CNTN5: variants seen among roughly 807,000 people sequenced by gnomAD.
CNTN5 encodes contactin 5.
CNTN5 carries 77 observed loss-of-function variants against 129.1 expected under a neutral mutation model. The ratio of observed to expected loss-of-function variants is 0.60; its 90% CI spans 0.50 to 0.72. CNTN5 has a LOEUF of 0.72. CNTN5 is among the 30% of genes least tolerant of loss of function. The probability of loss-of-function intolerance (pLI) is 0.00; values close to 1 mark genes in which losing one functional copy is unlikely to be tolerated. For synonymous variants in CNTN5, 509 were observed against 465.6 expected (o/e 1.09, Z -1.20); for missense variants, 1,478 against 1,328.8 (o/e 1.11, Z -1.75).
intron 2 of CNTN5, among the ~76,000 whole-genome samples, chr11:99,380,520 A>G (rs942887634): frequency 6.6e-6 from 1 of 152,200 alleles, no homozygotes; most frequent in African/African-American, 2.4e-5. Flanking sequence ...CTGTAATCCC[A>G]GCACTTCGGG....
intron 1 of CNTN5, among the ~76,000 whole-genome samples, chr11:99,188,854 T>C (rs545417106): frequency 6.6e-6 from 1 of 151,788 alleles, no homozygotes; most frequent in South Asian, 2.1e-4. Flanking sequence ...TATTTCTACA[T>C]TCTTAGCAGT....
rs563320874 is a variant in CNTN5, at chr11:99,795,398, T to C, written c.56-24146T>C. Among the ~76,000 whole-genome samples the C allele has an allele frequency of 9.2e-4, 140 of 152,294 alleles. 4 individuals are homozygous for C. In the South Asian group the frequency reaches 0.029, roughly 31 times the overall value. On this transcript the variant is annotated intron_variant, in intron 3 of 24. Transcript: ENST00000524871. ...TCTCAGTGATCTTTATTCCTATCCA[T>C]ATTCTGAATTGTTTTTCTGTCATTT...
rs1411012360 is a variant in CNTN5, at chr11:99,454,332, TC to T, written c.-70-101810del. Among the ~76,000 whole-genome samples the T allele has an allele frequency of 2.0e-5, 3 of 152,178 alleles. No individual in the cohort carries two copies. The East Asian group carries it at 5.8e-4, about 29-fold the overall frequency. On this transcript the variant is annotated intron_variant, in intron 2 of 24. Transcript: ENST00000524871. ...TATCTTGAATTGTAATCCGTATAAT[TC>T]CCGTAATCCACATGGGTCAAGGGTG... is the stretch of plus-strand genomic sequence containing the variant.
chr11:99,425,698 C>T (rs975569800), intron 2 of CNTN5, among the ~76,000 whole-genome samples: 2 of 152,258 alleles, frequency 1.3e-5, no homozygotes, highest in African/African-American at 2.4e-5. Context: ...GGGTTGCTTC[C>T]TGAGCCTCTG....
At chr11:100,234,835 A>G (rs1949576046) in intron 16 of CNTN5, among the ~76,000 whole-genome samples, 2 of 151,004 alleles carry the variant, frequency 1.3e-5, no homozygotes, top group Non-Finnish European at 2.9e-5. Context: ...AAGGACTTCT[A>G]AATAAAATGC....
At chr11:99,188,141 A>G (rs1858448335) in intron 1 of CNTN5, among the ~76,000 whole-genome samples, 1 of 151,880 alleles carries the variant, frequency 6.6e-6, no homozygotes, top group Non-Finnish European at 1.5e-5. Flanking sequence ...GATTAGTTAT[A>G]TATCATACAG....
intron 1 of CNTN5, among the ~76,000 whole-genome samples, chr11:99,183,270 G>A (rs1858171563): frequency 6.6e-6 from 1 of 152,102 alleles, no homozygotes; most frequent in Non-Finnish European, 1.5e-5. Flanking sequence ...GTCTATTGAA[G>A]AGAAATTTTA....
chr11:99,786,023 A>G (rs919093051), intron 3 of CNTN5, among the ~76,000 whole-genome samples: 2 of 151,888 alleles, frequency 1.3e-5, no homozygotes, highest in Non-Finnish European at 2.9e-5. Context: ...GGCAAGAGAA[A>G]GAAATAAAGG....
intron 9 of CNTN5, among the ~76,000 whole-genome samples, chr11:100,048,187 G>A (rs1031146481): frequency 1.3e-5 from 2 of 152,076 alleles, no homozygotes; most frequent in Non-Finnish European, 2.9e-5. Context: ...TGGGACATCC[G>A]TCTTCTCCTA....
chr11:99,084,265 C>T (rs1865913119), intron 1 of CNTN5, among the ~76,000 whole-genome samples: 1 of 152,186 alleles, frequency 6.6e-6, no homozygotes, highest in Non-Finnish European at 1.5e-5. Flanking sequence ...AATCTTCAAA[C>T]AGTATAGCAG....
chr11:99,739,810 T>A (rs1236285239), intron 3 of CNTN5, among the ~76,000 whole-genome samples: 1 of 152,202 alleles, frequency 6.6e-6, no homozygotes, highest in Non-Finnish European at 1.5e-5. Context: ...ACATACAGTA[T>A]GCACTGAAAA....
Position 100,023,902 on chromosome 11 carries a change from A to G in CNTN5, c.980+21766A>G, listed in dbSNP as rs558821786. ...TGGATATACCACAGTTCATTTATCT[A>G]TTCAGCTACTAAAGGACTCTTAGCT... On this transcript the variant is annotated intron_variant, in intron 9 of 24. Coordinates refer to ENST00000524871, the MANE Select transcript of CNTN5 (RefSeq NM_014361.4). Among the ~76,000 whole-genome samples the G allele has an allele frequency of 3.2e-4, 49 of 152,116 alleles. 2 individuals carry two copies. In the South Asian group the frequency reaches 9.9e-3, roughly 31 times the overall value.
rs200403626 is a variant in CNTN5, at chr11:100,061,268, G to T, written c.1037G>T (p.Arg346Leu). ...KVNGYIPSKA[R>L]LRKSQAVLEI... The stretch of plus-strand genomic sequence containing the variant: ...AATGGTTATATTCCTAGTAAGGCAC[G>T]TCTGCGGAAATCTCAGGCGGTGCTG... The change falls in exon 10 of 25, where the codon CGT becomes CTT. Residue 346 changes from arginine to leucine, a missense_variant. Arg to Leu is a moderately radical substitution (Grantham distance 102). Coordinates refer to ENST00000524871, the MANE Select transcript of CNTN5 (RefSeq NM_014361.4). The T allele has an allele frequency of 1.9e-6, 3 of 1,613,640 alleles. No individual in the cohort carries two copies. Among genetic ancestry groups the T allele is most frequent in the Middle Eastern group, 3.3e-4 (2 of 6,054 alleles).
rs545510234 is a variant in CNTN5 at position 99,185,848 on chromosome 11, G to C, written c.-209-139498G>C. ...TAACGGAGAGGAAATAAAATAAAGAGAAATGTTATCACAATTTAAAAATAA... is the reference window on the plus strand; with the variant it reads ...TAACGGAGAGGAAATAAAATAAAGACAAATGTTATCACAATTTAAAAATAA... On this transcript the variant is annotated intron_variant, in intron 1 of 24. Transcript: ENST00000524871. Among the ~76,000 whole-genome samples the C allele has an allele frequency of 5.7e-5, 6 of 105,090 alleles. No individual in the cohort carries two copies. In the South Asian group the frequency reaches 1.9e-3, roughly 33 times the overall value. 68.9% of individuals were successfully genotyped at this position (105,090 alleles called of 152,430 possible). A position where few individuals can be genotyped will look rare whatever the true frequency, so the allele number is the denominator to read the frequency against.
intron 4 of CNTN5, among the ~76,000 whole-genome samples, chr11:99,835,087 C>G (rs1171007671): frequency 6.6e-6 from 1 of 152,220 alleles, no homozygotes; most frequent in African/African-American, 2.4e-5. Context: ...TCCAAGGAGA[C>G]TCTGTCCTTT....
intron 1 of CNTN5, among the ~76,000 whole-genome samples, chr11:99,183,226 C>G (rs7951940): frequency 0.91 from 139,159 of 152,210 alleles, 63,739 homozygotes; most frequent in East Asian, 1. Flanking sequence ...CATCTTCCTG[C>G]TTATCAGGCA....
At chr11:99,452,388 T>G (rs1420478091) in intron 2 of CNTN5, among the ~76,000 whole-genome samples, 3 of 149,646 alleles carry the variant, frequency 2.0e-5, no homozygotes, top group Middle Eastern at 3.4e-3. Context: ...TTTTTTTTTT[T>G]TTGGGACGGA....
At chr11:99,086,663 A>G (rs1007674729) in intron 1 of CNTN5, among the ~76,000 whole-genome samples, 1 of 152,210 alleles carries the variant, frequency 6.6e-6, no homozygotes, top group Non-Finnish European at 1.5e-5. Context: ...GACCTGCTGT[A>G]CTTTAACCAA....
intron 3 of CNTN5, among the ~76,000 whole-genome samples, chr11:99,592,032 T>C (rs1451242391): frequency 6.6e-6 from 1 of 152,190 alleles, no homozygotes; most frequent in African/African-American, 2.4e-5. Flanking sequence ...TTTAAACAGG[T>C]GGACTGTTTA....
Sources: allele counts gnomAD v4.1 joint callset (sites outside exome capture counted in the v4.1 genomes callset), GRCh38; gene constraint gnomAD v4.1.1; transcripts MANE v1.5; gene names NCBI Gene and HGNC (gene_info 2026-07-23, HGNC 2026-07-21).